The following AP2B1 variants were observed in gnomAD, a reference collection of about 807,000 sequenced individuals.
AP2B1 encodes the protein adaptor related protein complex 2 subunit beta 1.
A neutral mutation model predicts 102.0 loss-of-function variants in AP2B1; 23 were observed. The ratio of observed to expected loss-of-function variants is 0.23; its 90% confidence interval spans 0.16 to 0.32. AP2B1 has a LOEUF of 0.32. Ranked by LOEUF, AP2B1 falls within the 10% of genes least tolerant of loss-of-function variation. The probability of loss-of-function intolerance (pLI) is 1.00; values close to 1 mark genes in which losing one functional copy is unlikely to be tolerated. For missense variants in AP2B1, 541 were observed against 1,157.4 expected (o/e 0.47, Z 7.73); for synonymous variants, 381 against 421.2 (o/e 0.90, Z 1.17).
At chr17:35,688,800 C>T (rs1344679537) in intron 18 of AP2B1, among the ~76,000 whole-genome samples, 2 of 152,068 alleles carry the variant, frequency 1.3e-5, no homozygotes, top group Non-Finnish European at 2.9e-5. Context: ...CCTATCTCTA[C>T]TAAAAATACA....
chr17:35,633,032 A>G (rs1020684538), intron 9 of AP2B1, among the ~76,000 whole-genome samples: 1 of 152,138 alleles, frequency 6.6e-6, no homozygotes, highest in Non-Finnish European at 1.5e-5. Context: ...AATAGAGGAC[A>G]TAAATAGAAT....
chr17:35,628,762 C>T (rs1170715888), intron 9 of AP2B1, among the ~76,000 whole-genome samples: 1 of 152,198 alleles, frequency 6.6e-6, no homozygotes, highest in Non-Finnish European at 1.5e-5. Context: ...AGTGTAGTTA[C>T]ATAATGAAGG....
At chr17:35,680,223 T>C (rs2075788404) in intron 17 of AP2B1, among the ~76,000 whole-genome samples, 1 of 152,192 alleles carries the variant, frequency 6.6e-6, no homozygotes, top group Non-Finnish European at 1.5e-5. Flanking sequence ...AACTCTTTAG[T>C]TAATTTTATA....
intron 20 of AP2B1, 150 bp from the exon 21 acceptor site, chr17:35,717,045 T>C (rs754743305): frequency 3.3e-4 from 267 of 803,914 alleles, no homozygotes; most frequent in Non-Finnish European, 4.8e-4. Flanking sequence ...TGCTATTGTG[T>C]GGGAGAATGG....
chr17:35,719,398 A>G (rs2085287172), intron 21 of AP2B1, among the ~76,000 whole-genome samples: 1 of 151,838 alleles, frequency 6.6e-6, no homozygotes, highest in African/African-American at 2.4e-5. Context: ...CTTTATGGTC[A>G]GACTCTCACC....
intron 18 of AP2B1, among the ~76,000 whole-genome samples, chr17:35,706,213 A>G (rs1308177380): frequency 6.6e-6 from 1 of 152,132 alleles, no homozygotes; most frequent in Non-Finnish European, 1.5e-5. Context: ...TGTTTGTCCA[A>G]AGGGTCTACA....
intron 6 of AP2B1, among the ~76,000 whole-genome samples, chr17:35,626,180 T>C (rs891783068): frequency 7.2e-5 from 11 of 152,212 alleles, no homozygotes; most frequent in African/African-American, 2.2e-4. Flanking sequence ...AATGAAATCT[T>C]CAGCCACAAC....
At chr17:35,672,923 C>A (rs2075619729) in intron 16 of AP2B1, among the ~76,000 whole-genome samples, 1 of 152,144 alleles carries the variant, frequency 6.6e-6, no homozygotes. Context: ...AGATCATGCC[C>A]ATAGCTGTAT....
chr17:35,616,993 G>A (rs973187546), intron 5 of AP2B1, among the ~76,000 whole-genome samples: 2 of 152,130 alleles, frequency 1.3e-5, no homozygotes, highest in African/African-American at 4.8e-5. Flanking sequence ...AGGACAGAGG[G>A]CTTGCAAAGC....
intron 13 of AP2B1, among the ~76,000 whole-genome samples, chr17:35,652,613 T>C (rs2075115301): frequency 1.3e-5 from 2 of 152,208 alleles, no homozygotes; most frequent in Non-Finnish European, 2.9e-5. Flanking sequence ...TTATTTCCCT[T>C]AAAATTGGAA....
intron 1 of AP2B1, chr17:35,587,822 C>T (rs2142253396): frequency 6.6e-6 from 1 of 152,254 alleles, no homozygotes; most frequent in African/African-American, 2.4e-5. Flanking sequence ...GTCCAGCAAG[C>T]CAAAGGGAAA....
chr17:35,626,609 C>A lies in AP2B1; in HGVS notation c.717-12C>A. The A allele has an allele frequency of 1.3e-6, 2 of 1,580,316 alleles. No individual in the cohort carries two copies. Among genetic ancestry groups the A allele is most frequent in the Non-Finnish European group, 1.7e-6 (2 of 1,151,460 alleles). Reference sequence around the variant, plus strand: ...ATAATTCATGATATTAATTTTCATTCTCCACCCTCAGCATCTGTGAGCGGG... The same window carrying A: ...ATAATTCATGATATTAATTTTCATTATCCACCCTCAGCATCTGTGAGCGGG... On this transcript the variant is annotated splice_polypyrimidine_tract_variant and intron_variant, in intron 6 of 21. Transcript: ENST00000610402.
chr17:35,643,298 T>C (rs934374959), intron 12 of AP2B1, among the ~76,000 whole-genome samples: 25 of 152,184 alleles, frequency 1.6e-4, no homozygotes, highest in African/African-American at 5.8e-4. Flanking sequence ...TAGAATGACA[T>C]TATTAGAGCA....
intron 17 of AP2B1, 103 bp downstream of exon 17, chr17:35,674,424 C>T: frequency 7.2e-7 from 1 of 1,387,330 alleles, no homozygotes; most frequent in Non-Finnish European, 1.0e-6. Flanking sequence ...ACATATTGGG[C>T]CAGGTACAGT....
At chr17:35,716,561 G>A (rs983685963) in intron 20 of AP2B1, among the ~76,000 whole-genome samples, 11 of 151,820 alleles carry the variant, frequency 7.2e-5, no homozygotes, top group South Asian at 2.1e-4. Context: ...TATTATTTTC[G>A]AGGCATAGTA....
At chr17:35,719,722 G>C (rs375912648) in intron 21 of AP2B1, among the ~76,000 whole-genome samples, 2 of 152,212 alleles carry the variant, frequency 1.3e-5, no homozygotes, top group Non-Finnish European at 2.9e-5. Context: ...GTGACCTGGT[G>C]TGGTGGCTCA....
chr17:35,674,450 TC>T, intron 17 of AP2B1, 129 bp downstream of exon 17: 1 of 1,151,616 alleles, frequency 8.7e-7, no homozygotes, highest in Non-Finnish European at 1.2e-6. Context: ...ATGCCTATAA[TC>T]CCAGCATTTG....
chr17:35,724,552 C>CCTCT lies in AP2B1; in HGVS notation c.*854_*855insTCTC. On this transcript the variant is annotated 3_prime_UTR_variant, in exon 22 of 22. Coordinates refer to ENST00000610402, the MANE Select transcript of AP2B1 (RefSeq NM_001030006.2). ...GGGGAACAAGAACCCAGATGCTGTC[C>CCTCT]CCTCACCCCCTCTCCTGTATTTCTC... The CCTCT allele has an allele frequency of 6.6e-6, 1 of 152,258 alleles. No homozygotes were observed. The highest frequency in any genetic ancestry group is 2.1e-4 in the South Asian group (1 of 4,810). The allele number at this position is 152,258 out of a possible 1,614,324, so 9.4% of individuals were successfully genotyped here.
intron 18 of AP2B1, among the ~76,000 whole-genome samples, chr17:35,705,279 A>T (rs143411259): frequency 6.6e-6 from 1 of 152,342 alleles, no homozygotes; most frequent in African/African-American, 2.4e-5. Context: ...GCTTCCCCCA[A>T]TGAATGACCT....
Sources: allele counts gnomAD v4.1 joint callset (sites outside exome capture counted in the v4.1 genomes callset), GRCh38; gene constraint gnomAD v4.1.1; transcripts MANE v1.5; gene names NCBI Gene and HGNC (gene_info 2026-07-23, HGNC 2026-07-21).